Variants in LAMA2 observed in about 807,000 individuals in gnomAD.
LAMA2 encodes laminin subunit alpha 2, also known as laminin subunit alpha-2.
LAMA2 carries 269 observed loss-of-function variants against 364.8 expected under a neutral mutation model. The ratio of observed to expected loss-of-function variants is 0.74; its 90% CI spans 0.67 to 0.82. LAMA2 has a LOEUF of 0.82. Among genes scored for constraint, LAMA2 ranks in the 40% least tolerant of loss-of-function variants. LAMA2 has a pLI of 0.00. For missense variants in LAMA2, 3,807 were observed against 3,873.2 expected (o/e 0.98, Z 0.45); for synonymous variants, 1,379 against 1,370.6 (o/e 1.01, Z -0.14).
chr6:129,257,205 A>AG (rs1270352380), intron 14 of LAMA2, among the ~76,000 whole-genome samples: 1 of 151,996 alleles, frequency 6.6e-6, no homozygotes, highest in Non-Finnish European at 1.5e-5. Flanking sequence ...ACCATACTGA[A>AG]GGGGAAAAAA....
intron 56 of LAMA2, among the ~76,000 whole-genome samples, chr6:129,487,846 A>G (rs1784669946): frequency 1.3e-5 from 2 of 152,148 alleles, no homozygotes; most frequent in Admixed American, 1.3e-4. Flanking sequence ...ACTTTTACTA[A>G]TCTAACAGCC....
intron 12 of LAMA2, among the ~76,000 whole-genome samples, chr6:129,196,062 T>A (rs1353772197): frequency 6.6e-6 from 1 of 152,206 alleles, no homozygotes; most frequent in Admixed American, 6.5e-5. Flanking sequence ...ATTAAATTAA[T>A]CTTATGTGAT....
At chr6:128,917,874 C>T (rs1232525863) in intron 1 of LAMA2, among the ~76,000 whole-genome samples, 1 of 151,530 alleles carries the variant, frequency 6.6e-6, no homozygotes, top group African/African-American at 2.4e-5. Context: ...GCTGGGACTA[C>T]AGGCTCTTGC....
intron 10 of LAMA2, among the ~76,000 whole-genome samples, chr6:129,184,684 C>A (rs1469769959): frequency 6.6e-6 from 1 of 151,818 alleles, no homozygotes; most frequent in African/African-American, 2.4e-5. Context: ...GGCTATAAAT[C>A]TCTACCCTTT....
At chr6:129,279,120 A>G (rs531903476) in intron 17 of LAMA2, among the ~76,000 whole-genome samples, 25 of 152,200 alleles carry the variant, frequency 1.6e-4, no homozygotes, top group Non-Finnish European at 2.8e-4. Flanking sequence ...GGAAAACATA[A>G]TAAGAGAAAG....
intron 1 of LAMA2, among the ~76,000 whole-genome samples, chr6:128,904,241 A>G (rs753863679): frequency 2.0e-5 from 3 of 152,098 alleles, no homozygotes; most frequent in Non-Finnish European, 4.4e-5. Context: ...TACCACCTAC[A>G]GTCTTACTTT....
intron 3 of LAMA2, among the ~76,000 whole-genome samples, chr6:129,090,294 C>A (rs764951580): frequency 1.3e-5 from 2 of 152,138 alleles, no homozygotes; most frequent in Non-Finnish European, 2.9e-5. Context: ...TATTGGGAAG[C>A]AAATTCCATA....
At chr6:129,319,600 C>T (rs12200836) in intron 27 of LAMA2, among the ~76,000 whole-genome samples, 25,136 of 152,074 alleles carry the variant, frequency 0.17, 2,617 homozygotes, top group Non-Finnish European at 0.24. Flanking sequence ...ATCAAAATAT[C>T]ACATTGTTTA....
intron 2 of LAMA2, among the ~76,000 whole-genome samples, chr6:129,057,311 G>A (rs188176231): frequency 2.2e-4 from 33 of 152,148 alleles, no homozygotes; most frequent in Middle Eastern, 3.4e-3. Context: ...TCACTGGTCC[G>A]TGGCAAAGTA....
At chr6:129,092,669 T>C (rs982772254) in intron 3 of LAMA2, among the ~76,000 whole-genome samples, 1 of 152,194 alleles carries the variant, frequency 6.6e-6, no homozygotes, top group Non-Finnish European at 1.5e-5. Context: ...AATAGCAATA[T>C]GGGAAGGAGG....
At chr6:128,883,792 A>G (rs1359571917) in intron 1 of LAMA2, among the ~76,000 whole-genome samples, 1 of 126,992 alleles carries the variant, frequency 7.9e-6, no homozygotes, top group African/African-American at 4.0e-5. Context: ...AAAATTATAT[A>G]TATATATATA....
chr6:129,075,329 CG>C (rs1168973137), intron 3 of LAMA2, among the ~76,000 whole-genome samples: 1 of 152,066 alleles, frequency 6.6e-6, no homozygotes, highest in African/African-American at 2.4e-5. Context: ...GATGCTGTCA[CG>C]GAGGTCTCCA....
chr6:129,312,779 A>G, intron 22 of LAMA2, 82 bp from the exon 23 acceptor site: 1 of 932,040 alleles, frequency 1.1e-6, no homozygotes, highest in Non-Finnish European at 1.7e-6. Context: ...GTTTAATGGA[A>G]GCATAGAAAC....
chr6:129,367,096 G>A (rs971620174), intron 33 of LAMA2, among the ~76,000 whole-genome samples: 3 of 152,324 alleles, frequency 2.0e-5, no homozygotes, highest in Non-Finnish European at 4.4e-5. Flanking sequence ...GCTAGAACTA[G>A]TAGACCTTTA....
At chr6:129,173,683 A>G (rs1168388426) in intron 9 of LAMA2, among the ~76,000 whole-genome samples, 1 of 152,158 alleles carries the variant, frequency 6.6e-6, no homozygotes, top group Non-Finnish European at 1.5e-5. Flanking sequence ...TTGGACACAT[A>G]TTTGTAGGTC....
At chr6:128,971,156 T>C (rs576784812) in intron 1 of LAMA2, among the ~76,000 whole-genome samples, 5 of 152,180 alleles carry the variant, frequency 3.3e-5, no homozygotes, top group Non-Finnish European at 2.9e-5. Flanking sequence ...GAAAGAAAAG[T>C]TTTTATTTTC....
At position 129,111,915 on chromosome 6, in the gene LAMA2, G is replaced by A. The variant is rs565126820; in HGVS notation, c.639+13500G>A. Among the ~76,000 whole-genome samples, 4 of 152,042 alleles carry A rather than the reference G, an allele frequency of 2.6e-5. No individual in the cohort carries two copies. In the South Asian group the frequency reaches 8.3e-4, roughly 31 times the overall value. On this transcript the variant is annotated intron_variant, in intron 4 of 64. Coordinates refer to ENST00000421865, the MANE Select transcript of LAMA2 (RefSeq NM_000426.4). ...CTACATGAAAGTTGGTGGTATACAG[G>A]TTACCAGTAGTAAGTTTGGGAACTG...
At chr6:129,128,996 T>C (rs1777291264) in intron 4 of LAMA2, among the ~76,000 whole-genome samples, 9 of 152,226 alleles carry the variant, frequency 5.9e-5, no homozygotes, top group Admixed American at 5.9e-4. Flanking sequence ...CTTCCTGTGG[T>C]TGACTCTTAA....
chr6:129,192,957 T>C, intron 12 of LAMA2, 104 bp downstream of exon 12: 2 of 1,177,342 alleles, frequency 1.7e-6, no homozygotes, highest in South Asian at 2.6e-5. Context: ...AAATACACAC[T>C]GAATTGGATT....
Sources: allele counts gnomAD v4.1 joint callset (sites outside exome capture counted in the v4.1 genomes callset), GRCh38; gene constraint gnomAD v4.1.1; transcripts MANE v1.5; gene names NCBI Gene and HGNC (gene_info 2026-07-23, HGNC 2026-07-21).